Variants in MYRIP observed in about 807,000 individuals in gnomAD.
MYRIP encodes rab effector MyRIP.
MYRIP carries 49 observed loss-of-function variants against 98.0 expected under a neutral mutation model. The ratio of observed to expected loss-of-function variants is 0.50; its 90% confidence interval spans 0.40 to 0.63. The LOEUF (loss-of-function observed/expected upper bound fraction) is 0.63. Ranked by LOEUF, MYRIP falls within the 30% of genes least tolerant of loss-of-function variation. The pLI, the probability that MYRIP is intolerant of heterozygous loss-of-function variation, is 0.00. For synonymous variants in MYRIP, 404 were observed against 409.5 expected, an observed-to-expected ratio of 0.99 and a Z score of 0.16; for missense variants, 1,004 against 1,058.2, an observed-to-expected ratio of 0.95 and a Z score of 0.71.
At chr3:39,822,624 A>C (rs188889348) in intron 1 of MYRIP, among the ~76,000 whole-genome samples, 5 of 152,306 alleles carry the variant, frequency 3.3e-5, no homozygotes, top group Non-Finnish European at 7.3e-5. Flanking sequence ...AATGCTGTAG[A>C]ACACTAGAAT....
intron 2 of MYRIP, among the ~76,000 whole-genome samples, chr3:39,959,104 T>A (rs910880088): frequency 6.6e-6 from 1 of 152,222 alleles, no homozygotes; most frequent in Non-Finnish European, 1.5e-5. Context: ...TCAACCATTG[T>A]GGAAGACAGT....
intron 3 of MYRIP, among the ~76,000 whole-genome samples, chr3:40,063,171 G>A (rs1461021477): frequency 6.6e-6 from 1 of 152,158 alleles, no homozygotes; most frequent in Non-Finnish European, 1.5e-5. Flanking sequence ...GACAAAGGCT[G>A]AGAAAATGTT....
At chr3:40,118,592 TTTTTC>T (rs1949330513) in intron 3 of MYRIP, among the ~76,000 whole-genome samples, 1 of 151,360 alleles carries the variant, frequency 6.6e-6, no homozygotes, top group Non-Finnish European at 1.5e-5. Flanking sequence ...TATTTATTTA[TTTTTC>T]TTTTCTTTTT....
chr3:40,105,928 C>T (rs975112262), intron 3 of MYRIP, among the ~76,000 whole-genome samples: 2 of 152,090 alleles, frequency 1.3e-5, no homozygotes, highest in South Asian at 2.1e-4. Flanking sequence ...ATGGGGATTA[C>T]AATTCAAGAT....
At chr3:39,894,127 C>T (rs760434196) in intron 1 of MYRIP, among the ~76,000 whole-genome samples, 2 of 152,106 alleles carry the variant, frequency 1.3e-5, no homozygotes, top group Non-Finnish European at 2.9e-5. Context: ...TCTATTTATA[C>T]AAGATTGTAC....
At chr3:39,967,792 G>T (rs1293779967) in intron 2 of MYRIP, among the ~76,000 whole-genome samples, 1 of 152,216 alleles carries the variant, frequency 6.6e-6, no homozygotes, top group South Asian at 2.1e-4. Flanking sequence ...GGCATGAGAT[G>T]GTATCTCACT....
At chr3:40,010,022 T>C (rs538839437) in intron 2 of MYRIP, among the ~76,000 whole-genome samples, 8 of 152,254 alleles carry the variant, frequency 5.3e-5, no homozygotes, top group African/African-American at 1.9e-4. Context: ...GAAAATGCTG[T>C]CCTGGGAACT....
At chr3:40,037,166 C>T (rs1947402606) in intron 2 of MYRIP, among the ~76,000 whole-genome samples, 1 of 151,898 alleles carries the variant, frequency 6.6e-6, no homozygotes, top group East Asian at 1.9e-4. Context: ...TGCATTTTTG[C>T]ATAAGATAAA....
At chr3:39,930,194 A>C (rs10865891) in intron 2 of MYRIP, among the ~76,000 whole-genome samples, 56,327 of 151,800 alleles carry the variant, frequency 0.37, 10,764 homozygotes, top group East Asian at 0.45. Flanking sequence ...GTTCCAGTTT[A>C]TTCACATACT....
chr3:40,176,307 A>G (rs1008938431), intron 8 of MYRIP, among the ~76,000 whole-genome samples: 5 of 152,244 alleles, frequency 3.3e-5, no homozygotes, highest in African/African-American at 1.2e-4. Context: ...CACTGGCCAC[A>G]TTTCAAGTGC....
chr3:40,171,374 G>A (rs907684753), intron 8 of MYRIP, among the ~76,000 whole-genome samples: 1 of 152,270 alleles, frequency 6.6e-6, no homozygotes, highest in South Asian at 2.1e-4. Flanking sequence ...ATGGAGCAGG[G>A]GAGCAAAAGC....
chr3:40,187,736 C>T (rs537694635), intron 9 of MYRIP, among the ~76,000 whole-genome samples: 129 of 152,312 alleles, frequency 8.5e-4, no homozygotes, highest in African/African-American at 3.0e-3. Context: ...ACCTTGTCCT[C>T]ATACTCAGCA....
intron 2 of MYRIP, among the ~76,000 whole-genome samples, chr3:40,030,223 C>T (rs908365576): frequency 3.3e-5 from 5 of 151,796 alleles, no homozygotes; most frequent in Admixed American, 6.6e-5. Flanking sequence ...TACAAATGGC[C>T]AATAAACACA....
At chr3:39,953,251 C>T (rs943813375) in intron 2 of MYRIP, among the ~76,000 whole-genome samples, 2 of 152,136 alleles carry the variant, frequency 1.3e-5, no homozygotes, top group African/African-American at 4.8e-5. Flanking sequence ...CACAGACTTC[C>T]ACTGAGGTTC....
intron 3 of MYRIP, among the ~76,000 whole-genome samples, chr3:40,085,869 AC>A (rs1468254628): frequency 2.0e-5 from 3 of 152,216 alleles, no homozygotes; most frequent in Admixed American, 2.0e-4. Context: ...ACCCCATCTG[AC>A]ATTCAAGACA....
In MYRIP at chr3:40,075,648, T is replaced by G. The variant is rs77132423; in HGVS notation, c.332+31377T>G. 1.5e-3 allele frequency among the ~76,000 whole-genome samples: 234 copies of G among 152,272 alleles called. 3 individuals are homozygous for G. The East Asian group carries it at 0.039, about 25-fold the overall frequency. On this transcript the variant is annotated intron_variant, in intron 3 of 16. Coordinates refer to ENST00000302541, the MANE Select transcript of MYRIP (RefSeq NM_015460.4). ...AGAACAGTGCCACCACAGAATAATC[T>G]TTCAGTAAATATTAATTATTATACA...
chr3:39,995,372 G>A (rs984042305), intron 2 of MYRIP, among the ~76,000 whole-genome samples: 8 of 152,166 alleles, frequency 5.3e-5, no homozygotes, highest in Non-Finnish European at 7.3e-5. Flanking sequence ...ACCATGGCAC[G>A]ATAACTACAT....
At chr3:39,908,437 C>G (rs781528533) in intron 2 of MYRIP, among the ~76,000 whole-genome samples, 4 of 152,154 alleles carry the variant, frequency 2.6e-5, no homozygotes, top group Non-Finnish European at 5.9e-5. Flanking sequence ...CCACCCCCCC[C>G]ATTGCTCAGG....
intron 1 of MYRIP, among the ~76,000 whole-genome samples, chr3:39,825,614 A>G (rs1941240424): frequency 1.3e-5 from 2 of 151,998 alleles, no homozygotes; most frequent in African/African-American, 2.4e-5. Flanking sequence ...TTACATCTAT[A>G]TTTATTAGGG....
Sources: allele counts gnomAD v4.1 joint callset (sites outside exome capture counted in the v4.1 genomes callset), GRCh38; gene constraint gnomAD v4.1.1; transcripts MANE v1.5; gene names NCBI Gene and HGNC (gene_info 2026-07-23, HGNC 2026-07-21).